SNRNP200: variants seen among roughly 807,000 people sequenced by gnomAD.
SNRNP200 encodes the protein small nuclear ribonucleoprotein U5 subunit 200, also known as U5 small nuclear ribonucleoprotein 200 kDa helicase.
A neutral mutation model predicts 255.2 loss-of-function variants in SNRNP200; 66 were observed. The ratio of observed to expected loss-of-function variants is 0.26; its 90% CI spans 0.21 to 0.32. The LOEUF (loss-of-function observed/expected upper bound fraction) is 0.32. Among genes scored for constraint, SNRNP200 ranks in the 10% least tolerant of loss-of-function variants. The pLI, the probability that SNRNP200 is intolerant of heterozygous loss-of-function variation, is 1.00. For missense variants in SNRNP200, 1,585 were observed against 2,749.8 expected (o/e 0.58, Z 9.47); for synonymous variants, 939 against 1,027.8 (o/e 0.91, Z 1.65).
chr2:96,279,301 G>C (rs1684720988), intron 36 of SNRNP200, 150 bp downstream of exon 36: 1 of 715,890 alleles, frequency 1.4e-6, no homozygotes, highest in East Asian at 2.7e-5. Flanking sequence ...AAAATTCCAT[G>C]TGGGTGGCAG....
intron 35 of SNRNP200, 108 bp downstream of exon 35, chr2:96,281,706 C>T: frequency 1.1e-6 from 1 of 930,752 alleles, no homozygotes; most frequent in Admixed American, 1.8e-5. Flanking sequence ...CAGCTGTTAA[C>T]TTCCCTAACA....
At chr2:96,299,559 G>A in intron 5 of SNRNP200, 132 bp from the exon 6 acceptor site, 1 of 759,498 alleles carries the variant, frequency 1.3e-6, no homozygotes, top group Non-Finnish European at 2.3e-6. Flanking sequence ...AGAGCCTATT[G>A]GAACCAAGGT....
intron 5 of SNRNP200, among the ~76,000 whole-genome samples, chr2:96,300,207 C>T (rs1035491977): frequency 1.2e-4 from 19 of 152,166 alleles, no homozygotes; most frequent in Admixed American, 1.2e-3. Flanking sequence ...TCAAAGTACC[C>T]CACTTATTCC....
At chr2:96,297,762 G>A (rs750751355) in intron 9 of SNRNP200, 42 bp from the exon 10 acceptor site, 5 of 1,605,098 alleles carry the variant, frequency 3.1e-6, no homozygotes, top group Non-Finnish European at 3.4e-6. Flanking sequence ...CAATTCATCA[G>A]TATCATAGGT....
Position 96,287,700 on chromosome 2 carries a change from T to C in SNRNP200, c.3366-143A>G. 7 of 918,712 alleles carry C rather than the reference T, an allele frequency of 7.6e-6. No homozygotes were observed. In the South Asian group the frequency reaches 9.2e-5, roughly 12 times the overall value. 56.9% of individuals were successfully genotyped at this position (918,712 alleles called of 1,614,324 possible). On this transcript the variant is annotated intron_variant, in intron 25 of 44. Coordinates refer to ENST00000323853, the MANE Select transcript of SNRNP200 (RefSeq NM_014014.5). The surrounding 1 kb of genome is among the most constrained non-coding windows in gnomAD (Gnocchi z 5.7). ...CACTGACACTGTGCCAGCCCTGGCC[T>C]CCACCACAGAGGGCCTTCCCTCTTC...
At chr2:96,279,162 G>C (rs1684718613) in intron 36 of SNRNP200, 164 bp from the exon 37 acceptor site, 2 of 691,340 alleles carry the variant, frequency 2.9e-6, no homozygotes, top group East Asian at 5.4e-5. Flanking sequence ...ACAATACGCA[G>C]TGGGAACAGA....
At chr2:96,297,273 T>C (rs905302262) in intron 11 of SNRNP200, 90 bp downstream of exon 11, 7 of 1,557,324 alleles carry the variant, frequency 4.5e-6, no homozygotes, top group Non-Finnish European at 6.2e-6. Flanking sequence ...AAATAAACTA[T>C]ATATGAAACA....
At chr2:96,276,578 C>T (rs558938528) in intron 43 of SNRNP200, 13 of 365,168 alleles carry the variant, frequency 3.6e-5, no homozygotes, top group East Asian at 2.1e-4. Context: ...CCCACCACCA[C>T]GCACAGCTAA....
At chr2:96,279,584 G>C (rs1475011417) in intron 35 of SNRNP200, 25 bp from the exon 36 acceptor site, 1 of 1,511,574 alleles carries the variant, frequency 6.6e-7, no homozygotes, top group Admixed American at 1.7e-5. Flanking sequence ...AGGGAAAGAA[G>C]GAAAAGCCAC....
At position 96,275,019 on chromosome 2, in the gene SNRNP200, G is replaced by C. The variant is rs1222108613; in HGVS notation, c.6404C>G (p.Ser2135Ter). Residue 2135 changes from serine to a stop codon, truncating the protein, a stop_gained, in exon 45 of 45, where the codon TCA becomes TGA. Coordinates refer to ENST00000323853, the MANE Select transcript of SNRNP200 (RefSeq NM_014014.5). LOFTEE classifies it high-confidence loss of function. The stretch of plus-strand genomic sequence containing the variant: ...AAGTAAATGCCTCAGGACTCAATCT[G>C]AATCACTGTCTGTCTCAGCTTCTTT... Reference protein sequence around the residue: ...DVKEAETDSDSD With the variant: ...DVKEAETDSD 6.2e-7 allele frequency: 1 copy of C among 1,614,098 alleles called. No homozygotes were observed. The highest frequency in any genetic ancestry group is 8.5e-7 in the Non-Finnish European group (1 of 1,180,034).
Position 96,290,465 on chromosome 2 carries a change from A to G in SNRNP200, c.2603T>C (p.Ile868Thr). The G allele has an allele frequency of 2.5e-6, 4 of 1,614,204 alleles. No individual in the cohort carries two copies. Among genetic ancestry groups the G allele is most frequent in the Non-Finnish European group, 3.4e-6 (4 of 1,180,038 alleles). ...TAGCTCCCCATGAGATGTGATGAGT[A>G]TGCCTTCACCCTTGGTGTCATACTG... ...RPQYDTKGEG[I>T]LITSHGELQY... The change falls in exon 20 of 45, where the codon ATA (isoleucine) becomes ACA (threonine). Residue 868 changes from isoleucine (I) to threonine (T), a missense_variant. By Grantham distance (89) the Ile-to-Thr change is moderately conservative (BLOSUM62 -1). Around this residue, in one of 9 missense-constraint regions of SNRNP200, gnomAD observed 719 missense variants for 1,091.1 expected, o/e 0.66. Coordinates refer to ENST00000323853, the MANE Select transcript of SNRNP200 (RefSeq NM_014014.5). The surrounding 1 kb of genome is among the most constrained non-coding windows in gnomAD (Gnocchi z 4.5).
In SNRNP200 at chr2:96,291,717, T is replaced by A; in HGVS notation, c.2310+34A>T. 1 of 1,612,942 alleles carries A rather than the reference T, an allele frequency of 6.2e-7. No homozygotes were observed. Among genetic ancestry groups the A allele is most frequent in the Non-Finnish European group, 8.5e-7 (1 of 1,179,646 alleles). On this transcript the variant is annotated intron_variant, in intron 17 of 44. Transcript: ENST00000323853. This position sits in a 1 kb window ranked among gnomAD's most constrained non-coding sequence, Gnocchi z 4.2. ...GCCTGAGATGGACACAGCTGCCAGG[T>A]AGGAATGAGAGAACCCAGCTGGCCC...
chr2:96,291,590 C>T lies in SNRNP200; in HGVS notation c.2311-88G>A. 1 of 1,238,748 alleles carries T rather than the reference C, an allele frequency of 8.1e-7. No individual in the cohort carries two copies. Among genetic ancestry groups the T allele is most frequent in the Non-Finnish European group, 1.2e-6 (1 of 841,766 alleles). 76.7% of individuals were successfully genotyped at this position (1,238,748 alleles called of 1,614,324 possible). A position where few individuals can be genotyped will look rare whatever the true frequency, so the allele number is the denominator to read the frequency against. ...AAATCTCCTCCCATGAGACCCTGCCCCTTAACTATTATGTGGAATAGTAAT... is the reference window on the plus strand; with the variant it reads ...AAATCTCCTCCCATGAGACCCTGCCTCTTAACTATTATGTGGAATAGTAAT... On this transcript the variant is annotated intron_variant, in intron 17 of 44. Coordinates refer to ENST00000323853, the MANE Select transcript of SNRNP200 (RefSeq NM_014014.5). The surrounding 1 kb of genome is among the most constrained non-coding windows in gnomAD (Gnocchi z 4.2).
intron 3 of SNRNP200, 120 bp from the exon 4 acceptor site, chr2:96,301,836 G>T: frequency 1.0e-6 from 1 of 972,314 alleles, no homozygotes; most frequent in Non-Finnish European, 1.6e-6. Context: ...CCACATACTA[G>T]GCTCTGACCT....
In SNRNP200 at chr2:96,291,649, G is replaced by A. The variant is rs2063884778; in HGVS notation, c.2310+102C>T. On this transcript the variant is annotated intron_variant, in intron 17 of 44. Coordinates refer to ENST00000323853, the MANE Select transcript of SNRNP200 (RefSeq NM_014014.5). This position sits in a 1 kb window ranked among gnomAD's most constrained non-coding sequence, Gnocchi z 4.2. ...CCAGACAATCAACCTTAACCCATGG[G>A]AAACAACAATACCACAGTACAGTCC... 1 of 1,421,820 alleles carries A rather than the reference G, an allele frequency of 7.0e-7. No homozygotes were observed. Among genetic ancestry groups the A allele is most frequent in the Non-Finnish European group, 9.9e-7 (1 of 1,009,408 alleles). 88.1% of individuals were successfully genotyped at this position (1,421,820 alleles called of 1,614,324 possible).
At chr2:96,295,410 G>A in intron 14 of SNRNP200, 78 bp downstream of exon 14, 3 of 1,570,418 alleles carry the variant, frequency 1.9e-6, no homozygotes, top group Non-Finnish European at 2.6e-6. Flanking sequence ...AGGCAGCAAA[G>A]AAACATTTCG....
In SNRNP200 at chr2:96,305,495, GGCCGCAGATCTCTGCTCCC is replaced by G. The variant is rs1325098438; in HGVS notation, c.-77_-59del. ...CGCCTCCCTACCGCAAGCTGCAAAC[GGCCGCAGATCTCTGCTCCC>G]GCCGCGCCGGAACGACGCAGGAAAG... On this transcript the variant is annotated 5_prime_UTR_variant, in exon 1 of 45. Coordinates refer to ENST00000323853, the MANE Select transcript of SNRNP200 (RefSeq NM_014014.5). 4.2e-5 allele frequency: 68 copies of G among 1,609,582 alleles called. No individual in the cohort carries two copies. The highest frequency in any genetic ancestry group is 5.7e-5 in the Non-Finnish European group (67 of 1,177,616).
rs1439872904 is a variant in SNRNP200 at position 96,278,632 on chromosome 2, G to A, written c.5403C>T (p.Cys1801=). Residue 1801 remains cysteine, a synonymous_variant, in exon 38 of 45, where the codon TGC becomes TGT. Transcript: ENST00000323853. This position sits in a 1 kb window ranked among gnomAD's most constrained non-coding sequence, Gnocchi z 6.9. ...QTLSDLEQSK[C]ISIEDEMDVA... ...CGTCCATCTCGTCCTCGATGCTGAT[G>A]CACTTGGACTGCTCCAGGTCACTCA... is the stretch of plus-strand genomic sequence containing the variant. The A allele has an allele frequency of 6.2e-7, 1 of 1,614,116 alleles. No individual in the cohort carries two copies. The highest frequency in any genetic ancestry group is 8.5e-7 in the Non-Finnish European group (1 of 1,180,050).
chr2:96,284,996 C>T lies in SNRNP200; in HGVS notation c.4164+184G>A, dbSNP rs771354249. 5 of 715,188 alleles carry T rather than the reference C, an allele frequency of 7.0e-6. No individual in the cohort carries two copies. The East Asian group carries it at 8.4e-5, about 12-fold the overall frequency. 44.3% of individuals were successfully genotyped at this position (715,188 alleles called of 1,614,324 possible). ...AACTCCTGATCTCCGGAGATCTGCC[C>T]GCCTCGGCCTCCCAAAGTGCTGGGA... On this transcript the variant is annotated intron_variant, in intron 30 of 44. Coordinates refer to ENST00000323853, the MANE Select transcript of SNRNP200 (RefSeq NM_014014.5).
Sources: gnomAD v4.1 joint callset for allele counts (sites outside exome capture counted in the v4.1 genomes callset) on GRCh38, gnomAD v4.1.1 for gene constraint, gnomAD v4.1.1 regional missense constraint, Gnocchi (gnomAD v3.1) non-coding constraint, MANE v1.5 for transcripts, NCBI Gene and HGNC (gene_info 2026-07-23, HGNC 2026-07-21) for gene names.